CENPK: variants seen among roughly 807,000 people sequenced by gnomAD.
The protein encoded by CENPK is SoxLZ/Sox6-binding protein Solt.
CENPK carries 46 observed loss-of-function variants against 40.9 expected under a neutral mutation model. The ratio of observed to expected loss-of-function variants is 1.13; its 90% CI spans 0.89 to 1.44. CENPK has a LOEUF of 1.44. Ranked by LOEUF, CENPK falls within the 40% of genes most tolerant of loss-of-function variation. The pLI, the probability that CENPK is intolerant of heterozygous loss-of-function variation, is 0.00. For missense variants in CENPK, 288 were observed against 303.5 expected (o/e 0.95, Z 0.38); for synonymous variants, 107 against 104.4 (o/e 1.02, Z -0.15).
chr5:65,506,062 A>G, the CENPK span, among the ~76,000 whole-genome samples: 1 of 152,112 alleles, frequency 6.6e-6, no homozygotes, highest in Non-Finnish European at 1.5e-5. Flanking sequence ...ATTTTGGTTC[A>G]TTTGTTCCTA....
intron 9 of CENPK, among the ~76,000 whole-genome samples, chr5:65,527,732 A>ATT (rs1398013828): frequency 6.6e-6 from 1 of 151,996 alleles, no homozygotes; most frequent in African/African-American, 2.4e-5. Context: ...AATTGAAAAA[A>ATT]TTGTGAAAAG....
chr5:65,515,760 G>A (rs1742812233), downstream of CENPK, among the ~76,000 whole-genome samples: 1 of 152,024 alleles, frequency 6.6e-6, no homozygotes, highest in Non-Finnish European at 1.5e-5. Flanking sequence ...TCCTTGTTCT[G>A]AAGTCAGCTT....
chr5:65,554,836 A>T lies in CENPK; in HGVS notation c.72T>A (p.Leu24=). Residue 24 remains leucine, a synonymous_variant, in exon 3 of 11, where the codon CTT becomes CTA. Transcript: ENST00000396679. The stretch of plus-strand genomic sequence containing the variant: ...TCCACATTTCTTCACATTCTCTAAT[A>T]AGTTCTTCTTCAGTATTTGTAACAT... ...VGDVTNTEEE[L]IRECEEMWKD... is the part of the protein sequence containing the mutation. The T allele has an allele frequency of 4.4e-6, 7 of 1,601,272 alleles. No individual in the cohort carries two copies. Among genetic ancestry groups the T allele is most frequent in the Non-Finnish European group, 6.0e-6 (7 of 1,168,590 alleles).
intron 6 of CENPK, among the ~76,000 whole-genome samples, chr5:65,535,649 A>G (rs1351001588): frequency 1.3e-5 from 2 of 151,776 alleles, no homozygotes. Context: ...CATCCACACA[A>G]CTCTACTGGG....
At chr5:65,552,584 A>C (rs1178752780) in intron 3 of CENPK, 35 bp from the exon 4 acceptor site, 1 of 1,350,430 alleles carries the variant, frequency 7.4e-7, no homozygotes, top group Non-Finnish European at 1.0e-6. Flanking sequence ...CAAGTCACAC[A>C]CGATAATTCA....
chr5:65,518,403 C>G lies in CENPK; in HGVS notation c.*72G>C. The G allele has an allele frequency of 6.9e-7, 1 of 1,457,914 alleles. No individual in the cohort carries two copies. The highest frequency in any genetic ancestry group is 9.4e-7 in the Non-Finnish European group (1 of 1,069,210). 90.3% of individuals were successfully genotyped at this position (1,457,914 alleles called of 1,614,324 possible). ...TTAATTTGCAAATAATGTTTTTTATCCAAATAGTCCTGTGGTTCCAATATC... is the reference window on the plus strand; with the variant it reads ...TTAATTTGCAAATAATGTTTTTTATGCAAATAGTCCTGTGGTTCCAATATC... On this transcript the variant is annotated 3_prime_UTR_variant, in exon 11 of 11. Transcript: ENST00000396679.
intron 2 of CENPK, chr5:65,555,162 A>G (rs1278092477): frequency 3.8e-6 from 1 of 260,676 alleles, no homozygotes; most frequent in Non-Finnish European, 7.1e-6. Flanking sequence ...TGCCATGGAG[A>G]AAAGACAAGG....
intron 6 of CENPK, among the ~76,000 whole-genome samples, chr5:65,537,278 T>A (rs1321768980): frequency 6.6e-6 from 1 of 152,198 alleles, no homozygotes; most frequent in Non-Finnish European, 1.5e-5. Context: ...ACAAACTTTT[T>A]AAATAAACTT....
At position 65,551,590 on chromosome 5, in the gene CENPK, C is replaced by G. The variant is rs1425260470; in HGVS notation, c.215G>C (p.Ser72Thr). 2.3e-5 allele frequency: 36 copies of G among 1,573,736 alleles called. No homozygotes were observed. Among genetic ancestry groups the G allele is most frequent in the Non-Finnish European group, 3.0e-5 (35 of 1,159,638 alleles). ...MQVKCLTAEL[S>T]QWQKKTPETI... ...TTCAGGTGTTTTTTTCTGCCATTGA[C>G]TGAGTTCAGCGGTTAAACATTTTAC... Residue 72 changes from serine (S) to threonine (T), a missense_variant, in exon 5 of 11, where the codon AGT becomes ACT. By Grantham distance (58) the Ser-to-Thr change is moderately conservative (BLOSUM62 1). Coordinates refer to ENST00000396679, the MANE Select transcript of CENPK (RefSeq NM_022145.5).
At chr5:65,528,246 C>G (rs1431049398) in intron 9 of CENPK, among the ~76,000 whole-genome samples, 1 of 151,398 alleles carries the variant, frequency 6.6e-6, no homozygotes, top group Non-Finnish European at 1.5e-5. Context: ...GTCCCCCCGC[C>G]CCCCTGCCCC....
intron 6 of CENPK, among the ~76,000 whole-genome samples, chr5:65,534,627 A>G (rs1183011085): frequency 6.6e-6 from 1 of 152,244 alleles, no homozygotes. Flanking sequence ...GAAATTCAAA[A>G]AAGAAAAGAT....
intron 2 of CENPK, 157 bp downstream of exon 2, chr5:65,561,306 C>A: frequency 8.7e-6 from 2 of 228,616 alleles, no homozygotes; most frequent in Non-Finnish European, 1.9e-5. Context: ...TACTGACCAC[C>A]AAAATACATT....
chr5:65,515,204 A>AATTTTTTTTTT (rs35708852), downstream of CENPK, among the ~76,000 whole-genome samples: 26,450 of 121,570 alleles, frequency 0.22, 3,674 homozygotes, highest in East Asian at 0.4. Context: ...TCTCAAAAAA[A>AATTTTTTTTTT]TTTTTTTTTT....
chr5:65,535,797 G>A (rs1048098528), intron 6 of CENPK, among the ~76,000 whole-genome samples: 1 of 152,184 alleles, frequency 6.6e-6, no homozygotes, highest in Non-Finnish European at 1.5e-5. Context: ...CATTGCACCT[G>A]AGGGCAGTCT....
the CENPK span, among the ~76,000 whole-genome samples, chr5:65,503,901 C>A: frequency 2.6e-5 from 4 of 151,916 alleles, no homozygotes; most frequent in East Asian, 7.9e-4. Flanking sequence ...CGTGATCCGC[C>A]CACCTTGGCC....
At chr5:65,501,539 A>G in the CENPK span, among the ~76,000 whole-genome samples, 1 of 152,028 alleles carries the variant, frequency 6.6e-6, no homozygotes, top group Non-Finnish European at 1.5e-5. Context: ...AGATTTTCCT[A>G]GTTCTTCGGG....
In CENPK at chr5:65,541,707, G is replaced by A. The variant is rs116649751; in HGVS notation, c.288+1095C>T. ...TCTCTTATAACCTCAGTTCCCACCA[G>A]AATCGCCTTTAAAGGTCTGCTCACA... On this transcript the variant is annotated intron_variant, in intron 6 of 10. Transcript: ENST00000396679. 9.8e-3 allele frequency among the ~76,000 whole-genome samples: 1,495 copies of A among 152,268 alleles called. 30 individuals are homozygous for A. Among genetic ancestry groups the A allele is most frequent in the African/African-American group, 0.034 (1,404 of 41,540 alleles).
chr5:65,557,712 T>C (rs1751228581), intron 2 of CENPK, among the ~76,000 whole-genome samples: 3 of 152,238 alleles, frequency 2.0e-5, no homozygotes, highest in Admixed American at 1.3e-4. Flanking sequence ...CTTGTCTGAA[T>C]TTCTAATGCA....
chr5:65,542,895 C>T, intron 5 of CENPK, 47 bp from the exon 6 acceptor site: 1 of 1,514,024 alleles, frequency 6.6e-7, no homozygotes, highest in Non-Finnish European at 9.0e-7. Context: ...TTAGTTAATT[C>T]TCAAAAATCA....
Sources: gnomAD v4.1 joint callset for allele counts (sites outside exome capture counted in the v4.1 genomes callset) on GRCh38, gnomAD v4.1.1 for gene constraint, MANE v1.5 for transcripts, NCBI Gene and HGNC (gene_info 2026-07-23, HGNC 2026-07-21) for gene names.